TAF15: variants seen among roughly 807,000 people sequenced by gnomAD.
TAF15 encodes TATA-binding protein-associated factor 2N.
A neutral mutation model predicts 102.5 loss-of-function variants in TAF15; 37 were observed. The ratio of observed to expected loss-of-function variants is 0.36; its 90% CI spans 0.28 to 0.47. The LOEUF (loss-of-function observed/expected upper bound fraction) is 0.47. Among genes scored for constraint, TAF15 ranks in the 20% least tolerant of loss-of-function variants. The pLI, the probability that TAF15 is intolerant of heterozygous loss-of-function variation, is 0.99. For missense variants in TAF15, 652 were observed against 760.7 expected, an observed-to-expected ratio of 0.86 and a Z score of 1.68; for synonymous variants, 273 against 259.2, an observed-to-expected ratio of 1.05 and a Z score of -0.51.
Position 35,809,589 on chromosome 17 carries a change from T to C in TAF15, c.7+13T>C, listed in dbSNP as rs769404425. 2 of 1,613,398 alleles carry C rather than the reference T, an allele frequency of 1.2e-6. No individual in the cohort carries two copies. Among genetic ancestry groups the C allele is most frequent in the South Asian group, 2.2e-5 (2 of 91,070 alleles). On this transcript the variant is annotated intron_variant, in intron 1 of 15. Transcript: ENST00000605844. ...TTAGTCATGTCGGGTAGGTGACTTC[T>C]TCAGCGAGCAGCGGCAGCGACGAGA...
chr17:35,832,839 G>A (rs2087423445), intron 7 of TAF15, among the ~76,000 whole-genome samples: 1 of 152,122 alleles, frequency 6.6e-6, no homozygotes, highest in Non-Finnish European at 1.5e-5. Context: ...AAGGACCACT[G>A]TCCTTGTGAT....
In TAF15 at chr17:35,809,696, T is replaced by TG. The variant is rs917815941; in HGVS notation, c.7+127dup. The TG allele has an allele frequency of 1.1e-4, 150 of 1,420,474 alleles. 1 individual carries two copies. The highest frequency in any genetic ancestry group is 2.3e-4 in the South Asian group (20 of 85,224). 88.0% of individuals were successfully genotyped at this position (1,420,474 alleles called of 1,614,324 possible). ...CTCCGGCCCTGAGGGAGGCTTGGGG[T>TG]GGGGGGGCGGCCGCTGCCGCCGCCA... On this transcript the variant is annotated intron_variant, in intron 1 of 15. Coordinates refer to ENST00000605844, the MANE Select transcript of TAF15 (RefSeq NM_139215.3).
intron 11 of TAF15, among the ~76,000 whole-genome samples, chr17:35,840,247 C>CTTTTTTTTTT (rs370455465): frequency 6.7e-5 from 8 of 119,404 alleles, no homozygotes; most frequent in Non-Finnish European, 1.1e-4. Flanking sequence ...CGTTATTTTC[C>CTTTTTTTTTT]TTTTTTTTTT....
At chr17:35,834,294 T>TTA in intron 8 of TAF15, 1 of 447,000 alleles carries the variant, frequency 2.2e-6, no homozygotes, top group Admixed American at 3.7e-5. Context: ...AATCAGCCTT[T>TTA]ACAACCAGAG....
At chr17:35,814,842 G>T (rs972506909) in intron 1 of TAF15, among the ~76,000 whole-genome samples, 1 of 150,574 alleles carries the variant, frequency 6.6e-6, no homozygotes, top group Non-Finnish European at 1.5e-5. Flanking sequence ...GATAGAGTGA[G>T]ACTCTGTCTC....
At chr17:35,845,239 T>C (rs1330974760) in intron 15 of TAF15, among the ~76,000 whole-genome samples, 1 of 152,176 alleles carries the variant, frequency 6.6e-6, no homozygotes, top group Non-Finnish European at 1.5e-5. Context: ...TAATTTTTAT[T>C]TTTTAGAGAC....
chr17:35,845,003 A>C lies in TAF15; in HGVS notation c.1704A>C (p.Gly568=). The C allele has an allele frequency of 6.2e-7, 1 of 1,614,064 alleles. No individual in the cohort carries two copies. Residue 568 remains glycine (G), a synonymous_variant, in exon 15 of 16, where the codon GGA becomes GGC. Transcript: ENST00000605844. ...GAGACCGAGGTGGGGGCTACGGAGG[A>C]GACCGAGGTGGCTATGGAGGCAAAA... The part of the protein sequence containing the change: ...YGGDRGGGYG[G]DRGGYGGKMG...
rs774332624 is a variant in TAF15 at position 35,844,910 on chromosome 17, T to A, written c.1611T>A (p.Gly537=). ...SRGGYGGDRG[G]GSGYGGDRSG... ...GGGGCTATGGAGGAGACCGTGGTGG[T>A]GGCAGTGGCTACGGTGGAGACCGAA... The change falls in exon 15 of 16, where the codon GGT becomes GGA. Residue 537 remains glycine (G), a synonymous_variant. Transcript: ENST00000605844. 5.5e-5 allele frequency: 89 copies of A among 1,608,164 alleles called. No homozygotes were observed. Among genetic ancestry groups the A allele is most frequent in the Non-Finnish European group, 7.1e-5 (84 of 1,178,460 alleles).
intron 1 of TAF15, among the ~76,000 whole-genome samples, chr17:35,813,276 C>G (rs1157326998): frequency 4.6e-5 from 7 of 151,990 alleles, no homozygotes; most frequent in Admixed American, 4.6e-4. Flanking sequence ...ATGGATGTGA[C>G]TTATCTCACA....
At chr17:35,834,021 C>A in intron 8 of TAF15, 80 bp downstream of exon 8, 1 of 1,483,874 alleles carries the variant, frequency 6.7e-7, no homozygotes, top group South Asian at 1.1e-5. Context: ...CAGATGTAGT[C>A]AAAAGTCCTT....
At chr17:35,838,350 T>A in intron 10 of TAF15, 74 bp from the exon 11 acceptor site, 1 of 1,587,554 alleles carries the variant, frequency 6.3e-7, no homozygotes, top group Non-Finnish European at 8.6e-7. Context: ...AAAAAATAAA[T>A]CTTTGATTAT....
rs773631114 is a variant in TAF15, at chr17:35,833,920, G to A, written c.619G>A (p.Gly207Ser). The part of the protein sequence containing the change: ...PMTGSSGGDR[G>S]GFKNFGGHRD... ...TTTCCTCTGCAGTGGTGGTGACCGCGGTGGCTTCAAAAATTTTGGTGGTAA... is the reference window on the plus strand; with the variant it reads ...TTTCCTCTGCAGTGGTGGTGACCGCAGTGGCTTCAAAAATTTTGGTGGTAA... Residue 207 changes from glycine (G) to serine (S), a missense_variant, in exon 8 of 16, where the codon GGT becomes AGT. Transcript: ENST00000605844. The A allele has an allele frequency of 2.1e-5, 34 of 1,613,640 alleles. 1 individual carries two copies. The highest frequency in any genetic ancestry group is 1.0e-4 in the Admixed American group (6 of 59,968).
At chr17:35,812,235 G>T (rs1234397848) in intron 1 of TAF15, among the ~76,000 whole-genome samples, 1 of 152,128 alleles carries the variant, frequency 6.6e-6, no homozygotes, top group Non-Finnish European at 1.5e-5. Context: ...TAGGCTCCAG[G>T]AAACTTTAAG....
At chr17:35,817,642 T>G in intron 1 of TAF15, 74 bp from the exon 2 acceptor site, 1 of 1,318,140 alleles carries the variant, frequency 7.6e-7, no homozygotes, top group Non-Finnish European at 1.1e-6. Flanking sequence ...ACATTTCTTC[T>G]GTATGAGCTA....
intron 1 of TAF15, among the ~76,000 whole-genome samples, chr17:35,813,632 TCC>T (rs56678256): frequency 0.14 from 15,071 of 108,190 alleles, 1,481 homozygotes; most frequent in African/African-American, 0.29. Context: ...CGAGACCCTG[TCC>T]CCCCCCCCCC....
chr17:35,815,614 A>G (rs2094434540), intron 1 of TAF15, among the ~76,000 whole-genome samples: 1 of 152,180 alleles, frequency 6.6e-6, no homozygotes, highest in African/African-American at 2.4e-5. Flanking sequence ...GCGATTATGT[A>G]TTTTGTCACT....
chr17:35,837,083 C>T (rs572607503), intron 10 of TAF15, among the ~76,000 whole-genome samples: 1 of 152,078 alleles, frequency 6.6e-6, no homozygotes, highest in East Asian at 1.9e-4. Context: ...GGCCTACTCA[C>T]TTTTTTCTTT....
chr17:35,829,508 T>C (rs931292940), intron 7 of TAF15, among the ~76,000 whole-genome samples: 5 of 150,406 alleles, frequency 3.3e-5, no homozygotes, highest in Non-Finnish European at 5.9e-5. Flanking sequence ...GGCGGGCACT[T>C]GTAGTCCCAG....
At chr17:35,821,335 C>T (rs1310863232) in intron 5 of TAF15, among the ~76,000 whole-genome samples, 1 of 152,124 alleles carries the variant, frequency 6.6e-6, no homozygotes, top group African/African-American at 2.4e-5. Flanking sequence ...AATAACTCTT[C>T]AAGCCTTGTT....
Sources: allele counts gnomAD v4.1 joint callset (sites outside exome capture counted in the v4.1 genomes callset), GRCh38; gene constraint gnomAD v4.1.1; transcripts MANE v1.5; gene names NCBI Gene and HGNC (gene_info 2026-07-23, HGNC 2026-07-21).